The following SORBS2 variants were observed in gnomAD, a reference collection of about 807,000 sequenced individuals.
The protein encoded by SORBS2 is sorbin and SH3 domain-containing protein 2.
SORBS2 carries 46 observed loss-of-function variants against 97.7 expected under a neutral mutation model. The observed-to-expected ratio is 0.47, with a 90% CI of 0.37 to 0.60. SORBS2 has a LOEUF of 0.60. Among genes scored for constraint, SORBS2 ranks in the 20% least tolerant of loss-of-function variants. SORBS2 has a pLI of 0.00. For synonymous variants in SORBS2, 476 were observed against 473.4 expected (o/e 1.01, Z -0.07); for missense variants, 1,316 against 1,282.3 (o/e 1.03, Z -0.40).
chr4:185,667,537 A>G (rs1444408257), intron 4 of SORBS2, among the ~76,000 whole-genome samples: 1 of 152,020 alleles, frequency 6.6e-6, no homozygotes, highest in Admixed American at 6.6e-5. Context: ...AAAGTTCTGC[A>G]TAAACTTCAG....
At chr4:185,645,186 C>T (rs1208360350) in intron 4 of SORBS2, among the ~76,000 whole-genome samples, 3 of 152,090 alleles carry the variant, frequency 2.0e-5, no homozygotes, top group Non-Finnish European at 2.9e-5. Context: ...GTTCGTTATC[C>T]TAAGAGTCTC....
Position 185,860,752 on chromosome 4 carries a change from T to C in SORBS2, c.-337-85386A>G, listed in dbSNP as rs114064900. On this transcript the variant is annotated intron_variant, in intron 1 of 20. Transcript: ENST00000284776. ...AACTCGAAGGTGGGAGGCTTCCAGG[T>C]GGATTCAAAGACTTTCTGATTGGCA... is the stretch of plus-strand genomic sequence containing the variant. Among the ~76,000 whole-genome samples the C allele has an allele frequency of 1.7e-3, 263 of 152,236 alleles. 2 individuals are homozygous for C. The highest frequency in any genetic ancestry group is 0.01 in the Middle Eastern group (3 of 294).
intron 2 of SORBS2, among the ~76,000 whole-genome samples, chr4:185,686,883 A>C (rs188041858): frequency 6.6e-6 from 1 of 152,212 alleles, no homozygotes; most frequent in Non-Finnish European, 1.5e-5. Flanking sequence ...TAAGGAAAAC[A>C]CAGTGCTAAC....
chr4:185,729,981 CT>C (rs538082394), intron 2 of SORBS2, among the ~76,000 whole-genome samples: 359 of 151,852 alleles, frequency 2.4e-3, no homozygotes, highest in Non-Finnish European at 4.2e-3. Flanking sequence ...GAGATGGAGT[CT>C]TGCTCTATCG....
Position 185,623,761 on chromosome 4 carries a change from C to G in SORBS2, c.1368G>C (p.Glu456Asp). Residue 456 changes from glutamate (E) to aspartate (D), a missense_variant, in exon 7 of 15, where the codon GAG becomes GAC. Physicochemically the swap from Glu to Asp is conservative, Grantham distance 45 (BLOSUM62 2). Transcript: ENST00000418609. This position sits in a 1 kb window ranked among gnomAD's most constrained non-coding sequence, Gnocchi z 6.4. ...TTTGATTTTCTTCCTCCAGCAAATA[C>G]TCAATGGAAAACCGCCTCTTGGGAC... The G allele has an allele frequency of 6.2e-7, 1 of 1,613,724 alleles. No individual in the cohort carries two copies. The highest frequency in any genetic ancestry group is 8.5e-7 in the Non-Finnish European group (1 of 1,179,894).
chr4:185,941,640 C>T (rs60231357), intron 1 of SORBS2, among the ~76,000 whole-genome samples: 1,857 of 152,274 alleles, frequency 0.012, 73 homozygotes, highest in East Asian at 0.1. Context: ...CCCACACTCT[C>T]TCAGGTCCAG....
At chr4:185,752,101 A>C (rs1441059075) in intron 2 of SORBS2, among the ~76,000 whole-genome samples, 2 of 152,276 alleles carry the variant, frequency 1.3e-5, no homozygotes, top group Non-Finnish European at 2.9e-5. Context: ...TGAGAAACCA[A>C]ATTTAGAGGA....
chr4:185,614,905 G>T, exon 11 of SORBS2: 1 of 1,614,112 alleles, frequency 6.2e-7, no homozygotes, highest in Non-Finnish European at 8.5e-7. Flanking sequence ...ATTTCTCCGG[G>T]CTGGGCTGGC....
chr4:185,806,526 C>G (rs1396137804), intron 1 of SORBS2, among the ~76,000 whole-genome samples: 2 of 138,432 alleles, frequency 1.4e-5, no homozygotes, highest in Non-Finnish European at 3.1e-5. Context: ...GGCGGGATCT[C>G]GGCTCACTGC....
chr4:185,858,965 T>A (rs1038662485), intron 1 of SORBS2, among the ~76,000 whole-genome samples: 50 of 152,216 alleles, frequency 3.3e-4, no homozygotes, highest in African/African-American at 1.1e-3. Flanking sequence ...TGTAAAACCT[T>A]TGAAATTTTC....
Position 185,623,802 on chromosome 4 carries a change from G to A in SORBS2, c.1327C>T (p.Pro443Ser). Residue 443 changes from proline to serine, a missense_variant, in exon 7 of 15, where the codon CCG (proline) becomes TCG (serine). Physicochemically the swap from Pro to Ser is moderately conservative, Grantham distance 74. Coordinates refer to ENST00000418609, the Ensembl canonical transcript of SORBS2. The surrounding 1 kb of genome is among the most constrained non-coding windows in gnomAD (Gnocchi z 6.4). ...CTCTTGGGACATAGGCCATTTTGCG[G>A]TGGTTCTAGGGTTACGGGAGACAGC... The A allele has an allele frequency of 6.2e-7, 1 of 1,614,202 alleles. No homozygotes were observed. The highest frequency in any genetic ancestry group is 8.5e-7 in the Non-Finnish European group (1 of 1,180,048).
At chr4:185,951,773 T>C (rs542242376) in intron 1 of SORBS2, among the ~76,000 whole-genome samples, 1 of 152,358 alleles carries the variant, frequency 6.6e-6, no homozygotes, top group East Asian at 1.9e-4. Flanking sequence ...TCCCATCGGG[T>C]AACTTAGGCA....
chr4:185,750,793 T>C (rs1370375912), intron 2 of SORBS2, among the ~76,000 whole-genome samples: 1 of 152,124 alleles, frequency 6.6e-6, no homozygotes, highest in Non-Finnish European at 1.5e-5. Context: ...ATTTAGATTT[T>C]TGGCTGTCAA....
At chr4:185,757,750 G>A (rs185210135) in intron 2 of SORBS2, among the ~76,000 whole-genome samples, 1 of 152,286 alleles carries the variant, frequency 6.6e-6, no homozygotes, top group Non-Finnish European at 1.5e-5. Context: ...AGAGACAAGG[G>A]TATACATTAG....
intron 1 of SORBS2, among the ~76,000 whole-genome samples, chr4:185,927,298 C>G (rs2099264194): frequency 6.6e-6 from 1 of 151,066 alleles, no homozygotes; most frequent in African/African-American, 2.4e-5. Flanking sequence ...ACTTTAAGTT[C>G]TGGGATACAT....
chr4:185,714,446 GT>G (rs903769820), intron 2 of SORBS2, among the ~76,000 whole-genome samples: 4 of 67,148 alleles, frequency 6.0e-5, no homozygotes, highest in African/African-American at 1.4e-4. Flanking sequence ...CTTAAATTTA[GT>G]TTAGGCTTTT....
chr4:185,690,154 C>T (rs1330514920), intron 2 of SORBS2, among the ~76,000 whole-genome samples: 1 of 152,194 alleles, frequency 6.6e-6, no homozygotes, highest in Non-Finnish European at 1.5e-5. Context: ...AACTTTGGCA[C>T]TCTATCTGCT....
At chr4:185,832,199 C>G (rs2099205524) in intron 1 of SORBS2, among the ~76,000 whole-genome samples, 1 of 152,128 alleles carries the variant, frequency 6.6e-6, no homozygotes, top group South Asian at 2.1e-4. Flanking sequence ...GGTAGACATT[C>G]CCTTGTCTGG....
chr4:185,699,938 G>A (rs908056053), intron 2 of SORBS2, among the ~76,000 whole-genome samples: 12 of 152,126 alleles, frequency 7.9e-5, no homozygotes, highest in Admixed American at 1.3e-4. Flanking sequence ...CAGAATCATA[G>A]GTGAATAAAA....
Sources: gnomAD v4.1 joint callset for allele counts (sites outside exome capture counted in the v4.1 genomes callset) on GRCh38, gnomAD v4.1.1 for gene constraint, Gnocchi (gnomAD v3.1) non-coding constraint, MANE v1.5 for transcripts, NCBI Gene and HGNC (gene_info 2026-07-23, HGNC 2026-07-21) for gene names.